The following CELF2 variants were observed in gnomAD, a reference collection of about 807,000 sequenced individuals.
CELF2 encodes CUG triplet repeat RNA-binding protein 2.
Under a neutral mutation model 62.6 loss-of-function variants are expected in CELF2, and 8 were observed. The ratio of observed to expected loss-of-function variants is 0.13; its 90% CI spans 0.07 to 0.23. The LOEUF (loss-of-function observed/expected upper bound fraction) is 0.23. Among genes scored for constraint, CELF2 ranks in the 10% least tolerant of loss-of-function variants. The pLI, the probability that CELF2 is intolerant of heterozygous loss-of-function variation, is 1.00. For synonymous variants in CELF2, 258 were observed against 250.0 expected, an observed-to-expected ratio of 1.03 and a Z score of -0.30; for missense variants, 333 against 671.0, an observed-to-expected ratio of 0.50 and a Z score of 5.56.
chr10:10,611,938 T>G, the CELF2 span, among the ~76,000 whole-genome samples: 2 of 152,222 alleles, frequency 1.3e-5, no homozygotes, highest in Non-Finnish European at 2.9e-5. Context: ...TACCATTGTC[T>G]AAACATTTAA....
chr10:10,973,703 A>T (rs1027994907), intron 2 of CELF2, among the ~76,000 whole-genome samples: 21 of 152,162 alleles, frequency 1.4e-4, no homozygotes, highest in African/African-American at 5.1e-4. Context: ...AGTAGCTGAG[A>T]GTACAGGCAT....
chr10:10,841,022 C>T (rs1292059564), intron 1 of CELF2, among the ~76,000 whole-genome samples: 1 of 152,154 alleles, frequency 6.6e-6, no homozygotes, highest in Non-Finnish European at 1.5e-5. Flanking sequence ...GACATGAGCT[C>T]ATTCTTTTTT....
chr10:11,034,831 G>A (rs1334874292), intron 1 of CELF2, among the ~76,000 whole-genome samples: 1 of 152,084 alleles, frequency 6.6e-6, no homozygotes, highest in African/African-American at 2.4e-5. Flanking sequence ...TAATTTACCC[G>A]GGATTGGGAA....
At chr10:10,845,677 C>G (rs1465772134) in intron 1 of CELF2, among the ~76,000 whole-genome samples, 1 of 152,080 alleles carries the variant, frequency 6.6e-6, no homozygotes, top group African/African-American at 2.4e-5. Flanking sequence ...ATGTATATAT[C>G]ACATGCATCT....
At chr10:11,001,067 T>G (rs2054471772), upstream of CELF2, among the ~76,000 whole-genome samples, 3 of 152,190 alleles carry the variant, frequency 2.0e-5, no homozygotes, top group African/African-American at 7.2e-5. Flanking sequence ...TTTATCAACT[T>G]CACCGAGCTC....
At position 11,209,833 on chromosome 10, in the gene CELF2, G is replaced by T. The variant is rs2061373332; in HGVS notation, c.272-7592G>T. Among the ~76,000 whole-genome samples the T allele has an allele frequency of 2.0e-5, 3 of 152,152 alleles. 1 individual carries two copies. Among genetic ancestry groups the T allele is most frequent in the Non-Finnish European group, 1.5e-5 (1 of 68,012 alleles). On this transcript the variant is annotated intron_variant, in intron 2 of 12. Coordinates refer to ENST00000633077, the MANE Select transcript of CELF2 (RefSeq NM_001326342.2). Reference sequence around the variant, plus strand: ...TCTTCTCCAAGTGGCTAAGATTGAGGGAGAAAATAGATGGCAAGGGGAATC... The same window carrying T: ...TCTTCTCCAAGTGGCTAAGATTGAGTGAGAAAATAGATGGCAAGGGGAATC...
the CELF2 span, among the ~76,000 whole-genome samples, chr10:10,699,150 A>G: frequency 6.6e-6 from 1 of 152,206 alleles, no homozygotes; most frequent in South Asian, 2.1e-4. Flanking sequence ...AGTAGATGTA[A>G]AAGATGCATT....
At chr10:10,519,266 C>T in the CELF2 span, among the ~76,000 whole-genome samples, 3 of 152,118 alleles carry the variant, frequency 2.0e-5, no homozygotes, top group African/African-American at 7.2e-5. Flanking sequence ...GGGCCAGTCT[C>T]GGGAAGTTCC....
At chr10:11,035,419 A>G (rs2060791001) in intron 1 of CELF2, among the ~76,000 whole-genome samples, 1 of 152,170 alleles carries the variant, frequency 6.6e-6, no homozygotes, top group Non-Finnish European at 1.5e-5. Context: ...AGTGCTGTTA[A>G]TAACTTTTCC....
the CELF2 span, among the ~76,000 whole-genome samples, chr10:10,596,416 G>A: frequency 6.6e-6 from 1 of 152,208 alleles, no homozygotes. Flanking sequence ...AATTGCACAT[G>A]TGGCTTGGTG....
chr10:11,013,973 G>T (rs779059872), upstream of CELF2, among the ~76,000 whole-genome samples: 15 of 152,196 alleles, frequency 9.9e-5, no homozygotes, highest in Non-Finnish European at 1.8e-4. The surrounding 1 kb of genome is among the most constrained non-coding windows in gnomAD (Gnocchi z 4.1). Context: ...CACAAAGTCA[G>T]ATATTCTCTC....
At chr10:11,229,178 A>G (rs1479819447) in intron 3 of CELF2, among the ~76,000 whole-genome samples, 1 of 152,212 alleles carries the variant, frequency 6.6e-6, no homozygotes, top group African/African-American at 2.4e-5. Context: ...TCTTTTCAGC[A>G]AACCATGCCC....
chr10:10,766,111 C>A, the CELF2 span, among the ~76,000 whole-genome samples: 1 of 152,224 alleles, frequency 6.6e-6, no homozygotes, highest in Admixed American at 6.5e-5. Context: ...GAACTTCTAA[C>A]TTGGTGGAAA....
rs1286127256 is a variant in CELF2, at chr10:11,224,133, A to T, written c.354+6626A>T. 6.6e-6 allele frequency among the ~76,000 whole-genome samples: 1 copy of T among 152,252 alleles called. No individual in the cohort carries two copies. The highest frequency in any genetic ancestry group is 2.4e-5 in the African/African-American group (1 of 41,466). On this transcript the variant is annotated intron_variant, in intron 3 of 12. Transcript: ENST00000633077. This position sits in a 1 kb window ranked among gnomAD's most constrained non-coding sequence, Gnocchi z 4.5. ...GGTGCAAAGTTGAAAATGCCAGCAC[A>T]GGATTACAGTAGGGAATAGCCACAC...
At chr10:11,023,993 C>T (rs980396528) in intron 1 of CELF2, among the ~76,000 whole-genome samples, 1 of 152,230 alleles carries the variant, frequency 6.6e-6, no homozygotes, top group African/African-American at 2.4e-5. Context: ...GTGAATGCCT[C>T]AGAGCCAACA....
At chr10:10,696,520 G>T in the CELF2 span, among the ~76,000 whole-genome samples, 1 of 151,850 alleles carries the variant, frequency 6.6e-6, no homozygotes, top group Non-Finnish European at 1.5e-5. Flanking sequence ...TTGAGCTGTG[G>T]TGGGCTCCAC....
intron 2 of CELF2, among the ~76,000 whole-genome samples, chr10:10,989,125 A>C (rs557947270): frequency 2.0e-5 from 3 of 152,200 alleles, no homozygotes; most frequent in Non-Finnish European, 4.4e-5. Flanking sequence ...GAGTAAATTT[A>C]GAGTTAGCCT....
Position 11,290,428 on chromosome 10 carries a change from T to TG in CELF2, c.976+1879dup, listed in dbSNP as rs974368720. On this transcript the variant is annotated intron_variant, in intron 9 of 12. Transcript: ENST00000633077. The surrounding 1 kb of genome is among the most constrained non-coding windows in gnomAD (Gnocchi z 4.3). ...GGACCGCGTCCGTTCCAGCCCACGT[T>TG]GGGAGGAGTGTGAGCTTGTTGCAAC... Among the ~76,000 whole-genome samples the TG allele has an allele frequency of 3.3e-5, 5 of 151,796 alleles. No homozygotes were observed. The highest frequency in any genetic ancestry group is 2.1e-4 in the South Asian group (1 of 4,806).
At position 11,237,072 on chromosome 10, in the gene CELF2, T is replaced by C. The variant is rs566251333; in HGVS notation, c.355-12081T>C. ...TTTAGACAGATTAAAAAGGCAATGG[T>C]GTAGAAGATGGAAGGCAATGACCAG... On this transcript the variant is annotated intron_variant, in intron 3 of 12. Transcript: ENST00000633077. This position sits in a 1 kb window ranked among gnomAD's most constrained non-coding sequence, Gnocchi z 4.0. Among the ~76,000 whole-genome samples the C allele has an allele frequency of 5.3e-5, 8 of 152,154 alleles. No individual in the cohort carries two copies. In the South Asian group the frequency reaches 1.7e-3, roughly 32 times the overall value.
Sources: gnomAD v4.1 joint callset for allele counts (sites outside exome capture counted in the v4.1 genomes callset) on GRCh38, gnomAD v4.1.1 for gene constraint, Gnocchi (gnomAD v3.1) non-coding constraint, MANE v1.5 for transcripts, NCBI Gene and HGNC (gene_info 2026-07-23, HGNC 2026-07-21) for gene names.